RUFY2: variants seen among roughly 807,000 people sequenced by gnomAD.
RUFY2 encodes RUN and FYVE domain-containing protein 2.
Under a neutral mutation model 94.4 loss-of-function variants are expected in RUFY2, and 49 were observed. The observed-to-expected ratio is 0.52, with a 90% CI of 0.41 to 0.66. The LOEUF (loss-of-function observed/expected upper bound fraction) is 0.66, where lower values mean the gene tolerates loss of function less well. Ranked by LOEUF, RUFY2 falls within the 30% of genes least tolerant of loss-of-function variation. The pLI, the probability that RUFY2 is intolerant of heterozygous loss-of-function variation, is 0.00. For synonymous variants in RUFY2, 255 were observed against 235.7 expected, an observed-to-expected ratio of 1.08 and a Z score of -0.75; for missense variants, 541 against 692.8, an observed-to-expected ratio of 0.78 and a Z score of 2.46.
intron 15 of RUFY2, among the ~76,000 whole-genome samples, chr10:68,357,729 C>A (rs1181168938): frequency 6.6e-6 from 1 of 152,134 alleles, no homozygotes; most frequent in Non-Finnish European, 1.5e-5. Context: ...ATATCCTGAA[C>A]AGCTTGCAGC....
intron 12 of RUFY2, chr10:68,378,739 G>A (rs1255769703): frequency 5.2e-6 from 6 of 1,147,932 alleles, no homozygotes; most frequent in Non-Finnish European, 7.4e-6. Context: ...TGTAAAAATG[G>A]GGATAAAGAA....
At chr10:68,352,582 G>A (rs142996009) in intron 16 of RUFY2, among the ~76,000 whole-genome samples, 245 of 152,264 alleles carry the variant, frequency 1.6e-3, no homozygotes, top group African/African-American at 5.5e-3. Context: ...TTTTTAAATA[G>A]AGGTGTTTCA....
At position 68,363,979 on chromosome 10, in the gene RUFY2, T is replaced by G. The variant is rs1242452314; in HGVS notation, c.1455+5A>C. 1.3e-6 allele frequency: 2 copies of G among 1,570,358 alleles called. No individual in the cohort carries two copies. ...CAGAATTTTTAAAGTTTTACCACTA[T>G]TTACTTTTTTAAGACTAATGATTTG... is the stretch of plus-strand genomic sequence containing the variant. On this transcript the variant is annotated splice_donor_5th_base_variant and intron_variant, in intron 14 of 17. Transcript: ENST00000602465.
intron 7 of RUFY2, 46 bp downstream of exon 7, chr10:68,393,092 A>G: frequency 1.7e-6 from 2 of 1,143,864 alleles, no homozygotes; most frequent in Non-Finnish European, 2.5e-6. Context: ...AAAAACAAAA[A>G]CCTAAGACAA....
At chr10:68,406,402 T>C (rs562425454) in intron 1 of RUFY2, among the ~76,000 whole-genome samples, 5 of 152,312 alleles carry the variant, frequency 3.3e-5, no homozygotes, top group East Asian at 3.9e-4. Flanking sequence ...TCATGTTTCA[T>C]AATCCGTGGC....
intron 1 of RUFY2, among the ~76,000 whole-genome samples, chr10:68,405,245 G>GGAGATTGC (rs2051184362): frequency 6.7e-6 from 1 of 148,410 alleles, no homozygotes; most frequent in Non-Finnish European, 1.5e-5. Context: ...CCCAGGAGGC[G>GGAGATTGC]GAGATTGCAG....
chr10:68,378,353 T>C (rs527766537), intron 12 of RUFY2: 3 of 1,225,472 alleles, frequency 2.4e-6, no homozygotes, highest in South Asian at 3.9e-5. Context: ...TCACCCTTTG[T>C]GCACAAGGTT....
intron 12 of RUFY2, 126 bp downstream of exon 12, chr10:68,379,297 TG>T: frequency 2.9e-6 from 2 of 685,286 alleles, no homozygotes; most frequent in Non-Finnish European, 4.8e-6. Context: ...AAAATCCTGC[TG>T]GGCTTAAACA....
In RUFY2 at chr10:68,343,808, T is replaced by TAAAAAAAAAAA. The variant is rs755419558; in HGVS notation, c.*1949_*1959dup. ...GCAAGTTGCTGTCATAAAAGCTGCCTAAAAAAAAAAAAAAAAAAAAAAAAA... is the reference window on the plus strand; with the variant it reads ...GCAAGTTGCTGTCATAAAAGCTGCCTAAAAAAAAAAAAAAAAAAAAAAAAAAAAAAAAAAAA... On this transcript the variant is annotated 3_prime_UTR_variant, in exon 18 of 18. Transcript: ENST00000602465. 1.7e-5 allele frequency: 2 copies of TAAAAAAAAAAA among 115,666 alleles called. No homozygotes were observed. The highest frequency in any genetic ancestry group is 7.9e-5 in the African/African-American group (2 of 25,416). The allele number at this position is 115,666 out of a possible 1,614,324, so 7.2% of individuals were successfully genotyped here.
intron 13 of RUFY2, among the ~76,000 whole-genome samples, chr10:68,366,330 C>CAAAAAAAAAAAAAAAAAAAAAAA (rs374353912): frequency 1.8e-5 from 1 of 55,440 alleles, no homozygotes; most frequent in African/African-American, 7.6e-5. Context: ...AACTCCATCT[C>CAAAAAAAAAAAAAAAAAAAAAAA]AAAAAAAAAA....
chr10:68,363,892 C>T (rs1044845433), intron 14 of RUFY2, 92 bp downstream of exon 14: 1 of 1,030,036 alleles, frequency 9.7e-7, no homozygotes, highest in Non-Finnish European at 1.4e-6. Context: ...CTAGTATATC[C>T]ATTTCCTTGG....
At chr10:68,385,849 G>A (rs995769156) in intron 8 of RUFY2, among the ~76,000 whole-genome samples, 4 of 152,064 alleles carry the variant, frequency 2.6e-5, no homozygotes, top group Non-Finnish European at 5.9e-5. Context: ...CTCAAATATA[G>A]TATCTCAGAT....
At chr10:68,371,158 G>A (rs543239960) in intron 13 of RUFY2, among the ~76,000 whole-genome samples, 1 of 148,676 alleles carries the variant, frequency 6.7e-6, no homozygotes, top group Non-Finnish European at 1.5e-5. Flanking sequence ...AAAGCCAGGA[G>A]TGGTGGCTCA....
At chr10:68,391,187 C>T (rs142540255) in intron 7 of RUFY2, among the ~76,000 whole-genome samples, 2,998 of 147,228 alleles carry the variant, frequency 0.02, 107 homozygotes, top group African/African-American at 0.072. Context: ...CCACATGCCT[C>T]GGCCTCCCAA....
chr10:68,395,444 T>A (rs371242533), intron 4 of RUFY2, among the ~76,000 whole-genome samples: 2 of 152,088 alleles, frequency 1.3e-5, no homozygotes, highest in Non-Finnish European at 2.9e-5. Flanking sequence ...TTTATTAGAG[T>A]TGAATTTTCA....
intron 13 of RUFY2, 100 bp from the exon 14 acceptor site, chr10:68,364,213 C>G (rs992107484): frequency 8.9e-7 from 1 of 1,121,506 alleles, no homozygotes; most frequent in Non-Finnish European, 1.2e-6. Flanking sequence ...ATTACTTTGG[C>G]CTTTGTAATG....
intron 15 of RUFY2, among the ~76,000 whole-genome samples, chr10:68,362,426 T>C (rs943708043): frequency 1.3e-5 from 2 of 152,230 alleles, no homozygotes; most frequent in African/African-American, 4.8e-5. Flanking sequence ...CTCTTGAGCT[T>C]ATTCCAAATA....
At chr10:68,380,108 C>T (rs539348559) in intron 11 of RUFY2, among the ~76,000 whole-genome samples, 5 of 141,704 alleles carry the variant, frequency 3.5e-5, no homozygotes, top group African/African-American at 1.0e-4. Context: ...GCACACGGCC[C>T]TTTTTTTTTT....
rs776152166 is a variant in RUFY2, at chr10:68,377,204, A to G, written c.1206-232T>C. The G allele has an allele frequency of 3.3e-4, 448 of 1,365,334 alleles. 1 individual carries two copies. The highest frequency in any genetic ancestry group is 4.0e-4 in the Non-Finnish European group (426 of 1,064,060). 84.6% of individuals were successfully genotyped at this position (1,365,334 alleles called of 1,614,324 possible). A position where few individuals can be genotyped will look rare whatever the true frequency, so the allele number is the denominator to read the frequency against. ...TAGTATGCCCAGAATACTATCTTCA[A>G]ATTTGTTTTATTTCTTGTTCATAAT... On this transcript the variant is annotated intron_variant, in intron 12 of 17. Transcript: ENST00000602465.
Sources: gnomAD v4.1 joint callset for allele counts (sites outside exome capture counted in the v4.1 genomes callset) on GRCh38, gnomAD v4.1.1 for gene constraint, MANE v1.5 for transcripts, NCBI Gene and HGNC (gene_info 2026-07-23, HGNC 2026-07-21) for gene names.